EHBP1: variants seen among roughly 807,000 people sequenced by gnomAD.
EHBP1 encodes EH domain binding protein 1.
EHBP1 carries 55 observed loss-of-function variants against 144.0 expected under a neutral mutation model. The ratio of observed to expected loss-of-function variants is 0.38; its 90% confidence interval spans 0.31 to 0.48. The LOEUF (loss-of-function observed/expected upper bound fraction) is 0.48. EHBP1 is among the 20% of genes least tolerant of loss of function. The pLI is 0.98. For synonymous variants in EHBP1, 469 were observed against 472.7 expected, an observed-to-expected ratio of 0.99 and a Z score of 0.10; for missense variants, 1,200 against 1,364.2, an observed-to-expected ratio of 0.88 and a Z score of 1.90.
intron 19 of EHBP1, among the ~76,000 whole-genome samples, chr2:63,014,505 ATATGT>A (rs1441038822): frequency 5.9e-5 from 9 of 152,320 alleles, no homozygotes; most frequent in South Asian, 4.1e-4. Flanking sequence ...TTCGTTGATA[ATATGT>A]TATGAGATTT....
intron 1 of EHBP1, among the ~76,000 whole-genome samples, chr2:62,676,797 A>G (rs2033312664): frequency 6.6e-6 from 1 of 152,074 alleles, no homozygotes; most frequent in African/African-American, 2.4e-5. Flanking sequence ...TCCTTAAGTT[A>G]TGGATGAGCA....
intron 7 of EHBP1, among the ~76,000 whole-genome samples, chr2:62,842,881 G>A (rs1267271961): frequency 1.3e-5 from 2 of 152,138 alleles, no homozygotes; most frequent in African/African-American, 4.8e-5. Context: ...ATGATAATAT[G>A]TTACAGTTTC....
At chr2:62,853,272 C>T (rs1456907187) in intron 7 of EHBP1, among the ~76,000 whole-genome samples, 2 of 152,174 alleles carry the variant, frequency 1.3e-5, no homozygotes, top group Non-Finnish European at 1.5e-5. Context: ...TTACACTATA[C>T]TGTAGTCTGT....
At chr2:62,741,520 C>T (rs1437683974) in intron 2 of EHBP1, among the ~76,000 whole-genome samples, 10 of 152,276 alleles carry the variant, frequency 6.6e-5, no homozygotes, top group Middle Eastern at 3.4e-3. Flanking sequence ...TGCTTTTAAA[C>T]TACCAAATAT....
chr2:62,988,858 T>C (rs191995197), intron 15 of EHBP1, among the ~76,000 whole-genome samples: 11 of 151,974 alleles, frequency 7.2e-5, no homozygotes, highest in Admixed American at 5.3e-4. Flanking sequence ...CTAAAGGGAG[T>C]GAGAGCAAGC....
chr2:62,904,337 C>G (rs1371409606), intron 10 of EHBP1, among the ~76,000 whole-genome samples: 1 of 152,164 alleles, frequency 6.6e-6, no homozygotes, highest in Non-Finnish European at 1.5e-5. Context: ...CTTTACATGC[C>G]TTCTCTTCCA....
At chr2:62,955,718 G>A (rs780901245) in intron 14 of EHBP1, 58 bp downstream of exon 14, 4 of 1,544,270 alleles carry the variant, frequency 2.6e-6, no homozygotes, top group Non-Finnish European at 3.5e-6. Context: ...TGGGGAGGAG[G>A]GAAGTAATTT....
chr2:63,023,391 A>G (rs2060840429), intron 19 of EHBP1, among the ~76,000 whole-genome samples: 1 of 152,204 alleles, frequency 6.6e-6, no homozygotes, highest in Non-Finnish European at 1.5e-5. Flanking sequence ...ACAAATATAT[A>G]TACATAAACG....
intron 9 of EHBP1, among the ~76,000 whole-genome samples, chr2:62,866,069 C>G (rs2050010059): frequency 6.6e-6 from 1 of 152,142 alleles, no homozygotes; most frequent in East Asian, 1.9e-4. Context: ...TGCCCCAGAC[C>G]AAGAATAATT....
chr2:62,901,774 T>C (rs2053435913), intron 10 of EHBP1, among the ~76,000 whole-genome samples: 1 of 151,990 alleles, frequency 6.6e-6, no homozygotes, highest in South Asian at 2.1e-4. Context: ...AAGACCAGCT[T>C]GGGCAACATG....
At chr2:62,680,980 T>C (rs1475239691) in intron 1 of EHBP1, among the ~76,000 whole-genome samples, 1 of 152,082 alleles carries the variant, frequency 6.6e-6, no homozygotes, top group Non-Finnish European at 1.5e-5. Context: ...ATTCATTTTT[T>C]GAATATCAAA....
intron 5 of EHBP1, chr2:62,771,623 A>G: frequency 3.2e-6 from 1 of 311,680 alleles, no homozygotes; most frequent in East Asian, 6.0e-5. Flanking sequence ...GTATGTTTGT[A>G]TGTATGCGTG....
chr2:62,836,231 C>T (rs1370378120), intron 7 of EHBP1, among the ~76,000 whole-genome samples: 1 of 152,106 alleles, frequency 6.6e-6, no homozygotes, highest in Non-Finnish European at 1.5e-5. Flanking sequence ...AGCAGGGGCA[C>T]ACTGACACCT....
chr2:62,817,649 G>T (rs1002411150), intron 5 of EHBP1, among the ~76,000 whole-genome samples: 1 of 152,188 alleles, frequency 6.6e-6, no homozygotes, highest in Non-Finnish European at 1.5e-5. Flanking sequence ...CAGAATAATT[G>T]CAAGGCAAAG....
At chr2:62,831,673 T>C (rs1188137236) in intron 7 of EHBP1, among the ~76,000 whole-genome samples, 1 of 152,218 alleles carries the variant, frequency 6.6e-6, no homozygotes, top group African/African-American at 2.4e-5. Context: ...GGTTAGAACT[T>C]CTTTTTATTA....
chr2:63,013,710 C>A (rs557231425), intron 19 of EHBP1, among the ~76,000 whole-genome samples: 1 of 152,282 alleles, frequency 6.6e-6, no homozygotes, highest in East Asian at 1.9e-4. Flanking sequence ...AAAATAAAGA[C>A]AACTAAATGA....
At chr2:62,908,893 T>G (rs2053993810) in intron 10 of EHBP1, among the ~76,000 whole-genome samples, 1 of 152,222 alleles carries the variant, frequency 6.6e-6, no homozygotes, top group Admixed American at 6.5e-5. Context: ...CTTCACCTCA[T>G]ATATCACTGA....
chr2:62,722,088 C>T (rs1433517152), intron 2 of EHBP1, among the ~76,000 whole-genome samples: 1 of 151,980 alleles, frequency 6.6e-6, no homozygotes, highest in Non-Finnish European at 1.5e-5. Context: ...CATAGTGCCC[C>T]CTTACCCATA....
chr2:63,039,975 ATT>A (rs1451656248), intron 21 of EHBP1, among the ~76,000 whole-genome samples: 1 of 152,050 alleles, frequency 6.6e-6, no homozygotes, highest in African/African-American at 2.4e-5. Flanking sequence ...TGACTATAAA[ATT>A]TGTCAAAATT....
Sources: allele counts gnomAD v4.1 joint callset (sites outside exome capture counted in the v4.1 genomes callset), GRCh38; gene constraint gnomAD v4.1.1; transcripts MANE v1.5; gene names NCBI Gene and HGNC (gene_info 2026-07-23, HGNC 2026-07-21).